MTHFD2L: variants seen among roughly 807,000 people sequenced by gnomAD.
MTHFD2L encodes bifunctional methylenetetrahydrofolate dehydrogenase/cyclohydrolase 2, mitochondrial.
A neutral mutation model predicts 34.9 loss-of-function variants in MTHFD2L; 29 were observed. That is an observed-to-expected ratio of 0.83 (90% CI 0.62 to 1.13). MTHFD2L has a LOEUF of 1.13. Ranked by LOEUF, MTHFD2L falls within the 50% of genes most tolerant of loss-of-function variation. The probability of loss-of-function intolerance (pLI) is 0.00; values close to 1 mark genes in which losing one functional copy is unlikely to be tolerated. For synonymous variants in MTHFD2L, 167 were observed against 155.7 expected (o/e 1.07, Z -0.54); for missense variants, 481 against 446.5 (o/e 1.08, Z -0.70).
At chr4:74,209,155 T>C (rs1735853169) in intron 5 of MTHFD2L, among the ~76,000 whole-genome samples, 1 of 151,762 alleles carries the variant, frequency 6.6e-6, no homozygotes, top group South Asian at 2.1e-4. Context: ...ACAGGGAGAG[T>C]GAGGCCAAAA....
chr4:74,169,349 G>A (rs1306298259), intron 1 of MTHFD2L, among the ~76,000 whole-genome samples: 1 of 152,178 alleles, frequency 6.6e-6, no homozygotes, highest in Non-Finnish European at 1.5e-5. Flanking sequence ...ACGCAGATTT[G>A]TACTGTCTAG....
intron 6 of MTHFD2L, among the ~76,000 whole-genome samples, chr4:74,278,297 G>GT (rs1373102038): frequency 2.0e-5 from 3 of 152,010 alleles, no homozygotes; most frequent in Non-Finnish European, 4.4e-5. Context: ...GACCATCTTA[G>GT]TTTTGTATTG....
chr4:74,121,176 C>T (rs1721747131), upstream of MTHFD2L, among the ~76,000 whole-genome samples: 1 of 152,140 alleles, frequency 6.6e-6, no homozygotes, highest in Admixed American at 6.6e-5. Context: ...ACAAAAGACC[C>T]TAGAACTGGG....
At chr4:74,230,466 T>C (rs1289829537) in intron 6 of MTHFD2L, among the ~76,000 whole-genome samples, 3 of 151,656 alleles carry the variant, frequency 2.0e-5, no homozygotes, top group Non-Finnish European at 4.4e-5. Context: ...GGTGGGTGCC[T>C]GTAATCCCAG....
chr4:74,186,772 G>T (rs1731366810), intron 3 of MTHFD2L, among the ~76,000 whole-genome samples: 1 of 152,004 alleles, frequency 6.6e-6, no homozygotes, highest in Admixed American at 6.6e-5. Context: ...CTGATTTGTA[G>T]GTTCAAGGTG....
intron 1 of MTHFD2L, among the ~76,000 whole-genome samples, chr4:74,145,203 T>C (rs926195621): frequency 6.6e-6 from 1 of 151,814 alleles, no homozygotes; most frequent in African/African-American, 2.4e-5. Flanking sequence ...TTTGCAGGTT[T>C]GCATCCTCGA....
chr4:74,289,538 G>T (rs1378039020), intron 7 of MTHFD2L, among the ~76,000 whole-genome samples: 1 of 152,290 alleles, frequency 6.6e-6, no homozygotes, highest in Non-Finnish European at 1.5e-5. Flanking sequence ...AGGATGTGGG[G>T]CAAAGAAATC....
chr4:74,201,151 A>G, intron 4 of MTHFD2L, 112 bp from the exon 5 acceptor site: 4 of 689,552 alleles, frequency 5.8e-6, no homozygotes, highest in Non-Finnish European at 9.7e-6. Flanking sequence ...AAGCCACATA[A>G]TAATTCAGAT....
chr4:74,201,405 C>T, intron 5 of MTHFD2L, 35 bp downstream of exon 5: 1 of 1,466,278 alleles, frequency 6.8e-7, no homozygotes, highest in Non-Finnish European at 9.5e-7. Flanking sequence ...CACTCTCTCG[C>T]AGTATTCTTA....
At chr4:74,151,129 A>G (rs1421988543) in intron 1 of MTHFD2L, among the ~76,000 whole-genome samples, 1 of 152,156 alleles carries the variant, frequency 6.6e-6, no homozygotes, top group Non-Finnish European at 1.5e-5. Context: ...TATAGTTAAC[A>G]TTATATTCTA....
upstream of MTHFD2L, among the ~76,000 whole-genome samples, chr4:74,122,551 G>T (rs1388888500): frequency 6.6e-6 from 1 of 152,024 alleles, no homozygotes; most frequent in Non-Finnish European, 1.5e-5. Flanking sequence ...ACCATAACAG[G>T]GATATATTAT....
At chr4:74,282,115 A>C (rs1747568058) in intron 7 of MTHFD2L, among the ~76,000 whole-genome samples, 2 of 152,094 alleles carry the variant, frequency 1.3e-5, no homozygotes, top group African/African-American at 4.8e-5. Flanking sequence ...ACAAATATGT[A>C]GTAGTAAAAA....
At chr4:74,297,363 C>G (rs1282983447) in intron 7 of MTHFD2L, among the ~76,000 whole-genome samples, 2 of 151,874 alleles carry the variant, frequency 1.3e-5, no homozygotes, top group East Asian at 3.9e-4. Flanking sequence ...TGAATCTAAC[C>G]CTGGTTTTGC....
intron 6 of MTHFD2L, among the ~76,000 whole-genome samples, chr4:74,246,403 G>C (rs1442091217): frequency 1.3e-5 from 2 of 151,608 alleles, no homozygotes; most frequent in Non-Finnish European, 2.9e-5. Flanking sequence ...AGTAGGTTGC[G>C]AAAATTTTCT....
intron 6 of MTHFD2L, chr4:74,280,272 C>G (rs977800371): frequency 1.3e-5 from 2 of 152,080 alleles, no homozygotes; most frequent in African/African-American, 4.8e-5. Context: ...GTTTCCCAGT[C>G]CAAGCATTAA....
At chr4:74,120,420 C>T (rs1721734258), upstream of MTHFD2L, among the ~76,000 whole-genome samples, 1 of 152,172 alleles carries the variant, frequency 6.6e-6, no homozygotes, top group African/African-American at 2.4e-5. Flanking sequence ...CAACTAATAC[C>T]ATAGCTGCAG....
At chr4:74,290,602 A>G (rs1362672477) in intron 7 of MTHFD2L, among the ~76,000 whole-genome samples, 1 of 152,084 alleles carries the variant, frequency 6.6e-6, no homozygotes, top group East Asian at 1.9e-4. Flanking sequence ...AAGCTAGTTA[A>G]TGTAGGTGAA....
chr4:74,175,738 C>A (rs1466790700), intron 3 of MTHFD2L, among the ~76,000 whole-genome samples: 1 of 152,008 alleles, frequency 6.6e-6, no homozygotes, highest in East Asian at 1.9e-4. Context: ...TTTAAAACTT[C>A]TTATCCAAGC....
intron 6 of MTHFD2L, chr4:74,280,513 T>G (rs1747303377): frequency 6.6e-6 from 1 of 152,080 alleles, no homozygotes; most frequent in African/African-American, 2.4e-5. Flanking sequence ...TGACTCCAAT[T>G]ACATGAAAGA....
Sources: gnomAD v4.1 joint callset for allele counts (sites outside exome capture counted in the v4.1 genomes callset) on GRCh38, gnomAD v4.1.1 for gene constraint, MANE v1.5 for transcripts, NCBI Gene and HGNC (gene_info 2026-07-23, HGNC 2026-07-21) for gene names.